The following FAXDC2 variants were observed in gnomAD, a reference collection of about 807,000 sequenced individuals.
FAXDC2 encodes fatty acid hydroxylase domain containing 2.
FAXDC2 carries 41 observed loss-of-function variants against 40.9 expected under a neutral mutation model. That is an observed-to-expected ratio of 1.00 (90% confidence interval 0.78 to 1.30). The LOEUF (loss-of-function observed/expected upper bound fraction) is 1.30. Among genes scored for constraint, FAXDC2 ranks in the 50% most tolerant of loss-of-function variants. FAXDC2 has a pLI of 0.00. For missense variants in FAXDC2, 390 were observed against 408.8 expected (o/e 0.95, Z 0.40); for synonymous variants, 157 against 149.3 (o/e 1.05, Z -0.38).
At chr5:154,849,404 G>A (rs1291428827) in intron 1 of FAXDC2, among the ~76,000 whole-genome samples, 1 of 152,092 alleles carries the variant, frequency 6.6e-6, no homozygotes, top group African/African-American at 2.4e-5. Context: ...TGCACCCTTT[G>A]AGCTTACTGT....
At chr5:154,827,644 T>C (rs1212824588) in intron 5 of FAXDC2, among the ~76,000 whole-genome samples, 3 of 151,920 alleles carry the variant, frequency 2.0e-5, no homozygotes, top group Non-Finnish European at 4.4e-5. Flanking sequence ...CAAGCAGTCC[T>C]CCCACCTCAG....
intron 1 of FAXDC2, among the ~76,000 whole-genome samples, chr5:154,842,330 T>G (rs1446618865): frequency 1.3e-5 from 2 of 151,748 alleles, no homozygotes; most frequent in African/African-American, 4.8e-5. Flanking sequence ...CCCTAGTAGC[T>G]GAGATTACAG....
rs1434148246 is a variant in FAXDC2 at position 154,834,915 on chromosome 5, G to A, written c.68C>T (p.Ser23Phe). 6 of 1,603,072 alleles carry A rather than the reference G, an allele frequency of 3.7e-6. No individual in the cohort carries two copies. The highest frequency in any genetic ancestry group is 5.1e-6 in the Non-Finnish European group (6 of 1,174,106). The change falls in exon 3 of 9, where the codon TCT becomes TTT. Residue 23 changes from serine (S) to phenylalanine (F), a missense_variant. Transcript: ENST00000326080. ...KSKQEGHIWGSMRRTAFILGS... is the reference protein window; with the variant it reads ...KSKQEGHIWGFMRRTAFILGS... ...CAGGATGAAAGCTGTCCTCCTCATA[G>A]AGCCCCAGATGTGTCCCTCCTGGAG...
chr5:154,849,473 C>A (rs1461379544), intron 1 of FAXDC2, among the ~76,000 whole-genome samples: 1 of 151,954 alleles, frequency 6.6e-6, no homozygotes, highest in Non-Finnish European at 1.5e-5. Context: ...ACCACGAGAT[C>A]CACAGAATCA....
At chr5:154,841,972 A>G (rs1760485559) in intron 1 of FAXDC2, among the ~76,000 whole-genome samples, 1 of 152,078 alleles carries the variant, frequency 6.6e-6, no homozygotes, top group Admixed American at 6.6e-5. Flanking sequence ...TCCTGATGTC[A>G]GATGATCCAC....
chr5:154,834,702 G>T lies in FAXDC2; in HGVS notation c.167C>A (p.Ser56Tyr). The T allele has an allele frequency of 1.2e-6, 2 of 1,613,764 alleles. No individual in the cohort carries two copies. Among genetic ancestry groups the T allele is most frequent in the Non-Finnish European group, 1.7e-6 (2 of 1,179,938 alleles). ...TWHLQRFWGA[S>Y]GYFWQAQWER... ...CCACTGGGCTTGCCAAAAGTAGCCA[G>T]AAGCACCCCAAAATCTCTGAAGATG... The change falls in exon 4 of 9, where the codon TCT becomes TAT. Residue 56 changes from serine to tyrosine, a missense_variant. Coordinates refer to ENST00000326080, the MANE Select transcript of FAXDC2 (RefSeq NM_032385.5).
intron 1 of FAXDC2, 51 bp from the exon 2 acceptor site, chr5:154,838,229 A>G (rs781754602): frequency 1.3e-6 from 2 of 1,583,832 alleles, no homozygotes; most frequent in Non-Finnish European, 8.6e-7. Flanking sequence ...ATAAACATCT[A>G]AGGAAGTAGG....
At chr5:154,842,512 G>GGT (rs1760499337) in intron 1 of FAXDC2, among the ~76,000 whole-genome samples, 1 of 51,586 alleles carries the variant, frequency 1.9e-5, no homozygotes, top group African/African-American at 7.6e-5. Context: ...CCCTTTGTGT[G>GGT]TTTTTTTTTT....
rs550510850 is a variant in FAXDC2, at chr5:154,828,296, T to TTTTTGTTTTG, written c.366+2495_366+2504dup. On this transcript the variant is annotated intron_variant, in intron 5 of 8. Transcript: ENST00000326080. ...TGAGCAACCACACTTGGTGGGGTTT[T>TTTTTGTTTTG]TTTTGTTTTGTTTTGTTTTGTTTTG... Among the ~76,000 whole-genome samples the TTTTTGTTTTG allele has an allele frequency of 4.6e-5, 7 of 152,112 alleles. No individual in the cohort carries two copies. In the South Asian group the frequency reaches 8.3e-4, roughly 18 times the overall value.
chr5:154,826,999 T>C (rs1454431793), intron 5 of FAXDC2, among the ~76,000 whole-genome samples: 1 of 152,122 alleles, frequency 6.6e-6, no homozygotes, highest in Admixed American at 6.6e-5. Flanking sequence ...AATTACAGGA[T>C]GTTGGGGAAA....
intron 5 of FAXDC2, among the ~76,000 whole-genome samples, chr5:154,825,091 G>A (rs558325794): frequency 6.1e-5 from 9 of 146,462 alleles, no homozygotes; most frequent in African/African-American, 2.3e-4. Context: ...AGGGCCAGTC[G>A]CTGTGGCTTA....
intron 2 of FAXDC2, among the ~76,000 whole-genome samples, chr5:154,835,846 G>T (rs1333719562): frequency 7.0e-6 from 1 of 143,460 alleles, no homozygotes; most frequent in African/African-American, 2.6e-5. Flanking sequence ...CTCCCTAAGT[G>T]CTGGGATTAC....
intron 5 of FAXDC2, among the ~76,000 whole-genome samples, chr5:154,826,790 G>T (rs1394925541): frequency 6.6e-6 from 1 of 152,086 alleles, no homozygotes; most frequent in Non-Finnish European, 1.5e-5. Context: ...TAGGAGAGAT[G>T]CAGGCTAAAG....
intron 2 of FAXDC2, 145 bp downstream of exon 2, chr5:154,837,986 G>T (rs1760392995): frequency 9.4e-6 from 6 of 635,262 alleles, no homozygotes; most frequent in Non-Finnish European, 1.4e-5. Flanking sequence ...AGTGAACTCT[G>T]CTCAGTTACT....
intron 5 of FAXDC2, among the ~76,000 whole-genome samples, chr5:154,828,878 A>C (rs1270664411): frequency 7.0e-6 from 1 of 141,932 alleles, no homozygotes. Flanking sequence ...TGAGATTACA[A>C]GCCTGAGCCA....
chr5:154,847,900 C>G (rs548120986), intron 1 of FAXDC2, among the ~76,000 whole-genome samples: 2 of 151,378 alleles, frequency 1.3e-5, no homozygotes, highest in African/African-American at 4.9e-5. Flanking sequence ...AGTGCAGTGG[C>G]GCGATCTTGG....
chr5:154,825,977 A>G (rs1006458890), intron 5 of FAXDC2, among the ~76,000 whole-genome samples: 1 of 152,160 alleles, frequency 6.6e-6, no homozygotes, highest in East Asian at 1.9e-4. Context: ...GGCAATTTCT[A>G]TTAGTATCCA....
intron 2 of FAXDC2, among the ~76,000 whole-genome samples, chr5:154,835,883 C>CTTTTTTTTTTTTTTTTTTTTT (rs869068025): frequency 1.9e-4 from 9 of 47,868 alleles, no homozygotes; most frequent in South Asian, 6.6e-4. Context: ...GCCCGGCCGA[C>CTTTTTTTTTTTTTTTTTTTTT]TTTTTTTTTT....
chr5:154,834,560 A>C, intron 4 of FAXDC2, 65 bp downstream of exon 4: 1 of 1,191,988 alleles, frequency 8.4e-7, no homozygotes, highest in Admixed American at 1.9e-5. Context: ...AGAACAAAAC[A>C]ACAAAAAGAA....
Sources: allele counts gnomAD v4.1 joint callset (sites outside exome capture counted in the v4.1 genomes callset), GRCh38; gene constraint gnomAD v4.1.1; transcripts MANE v1.5; gene names NCBI Gene and HGNC (gene_info 2026-07-23, HGNC 2026-07-21).